ZBTB45: variants seen among roughly 807,000 people sequenced by gnomAD.
ZBTB45 encodes the protein zinc finger and BTB domain-containing protein 45.
In ZBTB45, 22 loss-of-function variants were observed where a neutral mutation model predicts 28.4. The observed-to-expected ratio is 0.77, with a 90% CI of 0.55 to 1.10. The LOEUF (loss-of-function observed/expected upper bound fraction) is 1.10, where lower values mean the gene tolerates loss of function less well. Ranked by LOEUF, ZBTB45 falls within the 50% of genes least tolerant of loss-of-function variation. The pLI is 0.00. For synonymous variants in ZBTB45, 361 were observed against 332.3 expected, an observed-to-expected ratio of 1.09 and a Z score of -0.94; for missense variants, 656 against 750.2, an observed-to-expected ratio of 0.87 and a Z score of 1.47.
intron 1 of ZBTB45, among the ~76,000 whole-genome samples, chr19:58,529,436 C>T (rs979815264): frequency 6.6e-6 from 1 of 152,124 alleles, no homozygotes; most frequent in African/African-American, 2.4e-5. Flanking sequence ...CACAGATAAC[C>T]GTTTTAAAGT....
At chr19:58,538,550 C>T (rs1301961626) in intron 1 of ZBTB45, among the ~76,000 whole-genome samples, 1 of 152,116 alleles carries the variant, frequency 6.6e-6, no homozygotes, top group Non-Finnish European at 1.5e-5. Flanking sequence ...GGACAAAGCC[C>T]CGCGGCCCCC....
intron 1 of ZBTB45, among the ~76,000 whole-genome samples, chr19:58,537,023 G>A (rs573605788): frequency 3.9e-5 from 6 of 152,254 alleles, no homozygotes; most frequent in South Asian, 2.1e-4. Context: ...CCTGGGGAGC[G>A]GAGCCAACCA....
rs185548142 is a variant in ZBTB45 at position 58,536,291 on chromosome 19, C to A, written c.-1+2410G>T. 1.4e-3 allele frequency among the ~76,000 whole-genome samples: 211 copies of A among 151,960 alleles called. 3 individuals carry two copies. The highest frequency in any genetic ancestry group is 0.013 in the Admixed American group (201 of 15,216). On this transcript the variant is annotated intron_variant, in intron 1 of 1. Transcript: ENST00000600130. ...CCATCCTGGCTAACACGGTGAAACC[C>A]CGTCTCCACTAAAAATACAAAAAAA... is the stretch of plus-strand genomic sequence containing the variant.
chr19:58,521,149 G>C (rs2053574894), upstream of ZBTB45, among the ~76,000 whole-genome samples: 1 of 147,778 alleles, frequency 6.8e-6, no homozygotes, highest in South Asian at 2.1e-4. Flanking sequence ...CGGATCATGA[G>C]GTCAGGAGAT....
chr19:58,530,681 CTT>C (rs112607398), intron 1 of ZBTB45, among the ~76,000 whole-genome samples: 2 of 144,370 alleles, frequency 1.4e-5, no homozygotes, highest in Non-Finnish European at 3.1e-5. Context: ...TGTTTTCTTT[CTT>C]TTTTTTTTTT....
In ZBTB45 at chr19:58,531,591, G is replaced by A. The variant is rs370100984; in HGVS notation, c.-1+7110C>T. On this transcript the variant is annotated intron_variant, in intron 1 of 1. Coordinates refer to the ZBTB45 transcript ENST00000600130. ...TCTTTGGTAAGCAAGCAAGAACTGG[G>A]GCCATGTGTTCCCCTGAAATACGGT... Among the ~76,000 whole-genome samples, 5 of 152,312 alleles carry A rather than the reference G, an allele frequency of 3.3e-5. No individual in the cohort carries two copies. In the South Asian group the frequency reaches 8.3e-4, roughly 25 times the overall value.
At chr19:58,527,872 T>C (rs1245174512) in intron 1 of ZBTB45, among the ~76,000 whole-genome samples, 1 of 152,116 alleles carries the variant, frequency 6.6e-6, no homozygotes, top group Non-Finnish European at 1.5e-5. Context: ...GAGGCCGAGG[T>C]AGGTGGATCA....
rs1037923318 is a variant in ZBTB45 at position 58,513,784 on chromosome 19, G to A, written c.*270C>T. On this transcript the variant is annotated 3_prime_UTR_variant, in exon 3 of 3. Coordinates refer to ENST00000594051, the MANE Select transcript of ZBTB45 (RefSeq NM_001316979.2). ...TTGGGCCGGGTCCAAGCGCCTGAGC[G>A]CCCGGTTTACGCAGGAAATAGTCCA... 25 of 379,360 alleles carry A rather than the reference G, an allele frequency of 6.6e-5. No individual in the cohort carries two copies. The highest frequency in any genetic ancestry group is 1.0e-4 in the Non-Finnish European group (22 of 217,240). 23.5% of individuals were successfully genotyped at this position (379,360 alleles called of 1,614,324 possible).
intron 1 of ZBTB45, among the ~76,000 whole-genome samples, chr19:58,530,018 C>T (rs997606913): frequency 4.6e-5 from 7 of 152,026 alleles, no homozygotes; most frequent in Admixed American, 3.3e-4. Flanking sequence ...GCCTGGGCAA[C>T]GTTACAAAAC....
upstream of ZBTB45, among the ~76,000 whole-genome samples, chr19:58,520,634 G>T (rs76688335): frequency 6.6e-6 from 1 of 152,202 alleles, no homozygotes; most frequent in Non-Finnish European, 1.5e-5. Context: ...GAAGAGGAAG[G>T]TGGAGAAACT....
chr19:58,533,510 C>T (rs1055961714), intron 1 of ZBTB45, among the ~76,000 whole-genome samples: 2 of 151,830 alleles, frequency 1.3e-5, no homozygotes, highest in Non-Finnish European at 2.9e-5. Flanking sequence ...CTGGAAGAAG[C>T]AAGGAAGGAT....
In ZBTB45 at chr19:58,513,787, C is replaced by T. The variant is rs2053446370; in HGVS notation, c.*267G>A. 3 of 389,272 alleles carry T rather than the reference C, an allele frequency of 7.7e-6. No individual in the cohort carries two copies. Among genetic ancestry groups the T allele is most frequent in the East Asian group, 3.9e-5 (1 of 25,564 alleles). The allele number at this position is 389,272 out of a possible 1,614,324, so 24.1% of individuals were successfully genotyped here. ...GGCCGGGTCCAAGCGCCTGAGCGCC[C>T]GGTTTACGCAGGAAATAGTCCAGTT... On this transcript the variant is annotated 3_prime_UTR_variant, in exon 3 of 3. Coordinates refer to ENST00000594051, the MANE Select transcript of ZBTB45 (RefSeq NM_001316979.2).
At chr19:58,536,145 A>T in intron 1 of ZBTB45, among the ~76,000 whole-genome samples, 1 of 151,906 alleles carries the variant, frequency 6.6e-6, no homozygotes, top group East Asian at 1.9e-4. Context: ...TGCCTGGCCA[A>T]CATGGTAAAA....
intron 1 of ZBTB45, among the ~76,000 whole-genome samples, chr19:58,536,825 C>T (rs984800803): frequency 3.3e-5 from 5 of 152,096 alleles, no homozygotes; most frequent in African/African-American, 1.2e-4. Flanking sequence ...GTAGGCAGTC[C>T]TCAGGTGGCC....
chr19:58,533,628 T>C (rs1354837630), intron 1 of ZBTB45, among the ~76,000 whole-genome samples: 3 of 152,164 alleles, frequency 2.0e-5, no homozygotes, highest in African/African-American at 4.8e-5. Flanking sequence ...GGAATCATAG[T>C]GATTCCAAAG....
chr19:58,526,409 C>T (rs539179548), intron 1 of ZBTB45, among the ~76,000 whole-genome samples: 2 of 151,742 alleles, frequency 1.3e-5, no homozygotes, highest in African/African-American at 4.8e-5. Flanking sequence ...GGGGTTTCAC[C>T]ATGTTGGCCA....
In ZBTB45 at chr19:58,515,079, C is replaced by T. The variant is rs1161189767; in HGVS notation, c.1280-769G>A. On this transcript the variant is annotated intron_variant, in intron 2 of 2. Coordinates refer to ENST00000594051, the MANE Select transcript of ZBTB45 (RefSeq NM_001316979.2). The surrounding 1 kb of genome is among the most constrained non-coding windows in gnomAD (Gnocchi z 4.7). Reference sequence around the variant, plus strand: ...GTGGCTCACACCTGTAATCCCAGCACTTTGGGAGGCCAAGGCAGGCAGATC... The same window carrying T: ...GTGGCTCACACCTGTAATCCCAGCATTTTGGGAGGCCAAGGCAGGCAGATC... Among the ~76,000 whole-genome samples the T allele has an allele frequency of 6.6e-6, 1 of 152,128 alleles. No homozygotes were observed. The highest frequency in any genetic ancestry group is 1.5e-5 in the Non-Finnish European group (1 of 68,020).
Position 58,516,984 on chromosome 19 carries a change from C to G in ZBTB45, c.690G>C (p.Glu230Asp). 1.9e-6 allele frequency: 3 copies of G among 1,613,218 alleles called. No homozygotes were observed. Among genetic ancestry groups the G allele is most frequent in the South Asian group, 2.2e-5 (2 of 91,092 alleles). Residue 230 changes from glutamate to aspartate, a missense_variant, in exon 2 of 3, where the codon GAG becomes GAC. This residue lies in a region of ZBTB45 where 448 missense variants were observed against 444.3 expected (regional missense o/e 1.01). Coordinates refer to ENST00000594051, the MANE Select transcript of ZBTB45 (RefSeq NM_001316979.2). The surrounding 1 kb of genome is among the most constrained non-coding windows in gnomAD (Gnocchi z 6.2). ...GEDGEGGGPGEGQAPPSFPDC... is the reference protein window; with the variant it reads ...GEDGEGGGPGDGQAPPSFPDC... ...CTGGGAAGGAAGGAGGTGCCTGGCCCTCGCCTGGGCCGCCACCTTCGCCAT... is the reference window on the plus strand; with the variant it reads ...CTGGGAAGGAAGGAGGTGCCTGGCCGTCGCCTGGGCCGCCACCTTCGCCAT...
rs1241160977 is a variant in ZBTB45 at position 58,513,845 on chromosome 19, C to G, written c.*209G>C. On this transcript the variant is annotated 3_prime_UTR_variant, in exon 3 of 3. Transcript: ENST00000594051. ...GTGGTCTAACCAGCCCCAGCCCCAG[C>G]CCGGCACCACCTGGAGGGTTCAAGT... 3.3e-5 allele frequency: 19 copies of G among 572,446 alleles called. No individual in the cohort carries two copies. Among genetic ancestry groups the G allele is most frequent in the Non-Finnish European group, 4.8e-5 (18 of 372,182 alleles). The allele number at this position is 572,446 out of a possible 1,614,324, so 35.5% of individuals were successfully genotyped here.
Sources: allele counts gnomAD v4.1 joint callset (sites outside exome capture counted in the v4.1 genomes callset), GRCh38; gene constraint gnomAD v4.1.1; regional missense constraint gnomAD v4.1.1; non-coding constraint Gnocchi (gnomAD v3.1); transcripts MANE v1.5; gene names NCBI Gene and HGNC (gene_info 2026-07-23, HGNC 2026-07-21).